GPR161: variants seen among roughly 807,000 people sequenced by gnomAD.
GPR161 encodes the protein G-protein coupled receptor RE2.
GPR161 carries 25 observed loss-of-function variants against 39.2 expected under a neutral mutation model. The observed-to-expected ratio is 0.64, with a 90% CI of 0.47 to 0.89. GPR161 has a LOEUF of 0.89. Among genes scored for constraint, GPR161 ranks in the 40% least tolerant of loss-of-function variants. The probability of loss-of-function intolerance (pLI) is 0.00; values close to 1 mark genes in which losing one functional copy is unlikely to be tolerated. For synonymous variants in GPR161, 286 were observed against 276.6 expected (o/e 1.03, Z -0.34); for missense variants, 547 against 677.8 (o/e 0.81, Z 2.14).
At chr1:168,092,601 C>T (rs1315073146) in intron 3 of GPR161, among the ~76,000 whole-genome samples, 1 of 152,162 alleles carries the variant, frequency 6.6e-6, no homozygotes, top group African/African-American at 2.4e-5. Flanking sequence ...TGTGGCTCTC[C>T]AGAGGCATGC....
chr1:168,107,262 G>T (rs1049122058), intron 1 of GPR161, among the ~76,000 whole-genome samples: 2 of 152,076 alleles, frequency 1.3e-5, no homozygotes, highest in African/African-American at 4.8e-5. Context: ...TAAAAAAGTG[G>T]CCGTAAGACT....
intron 1 of GPR161, among the ~76,000 whole-genome samples, chr1:168,124,450 A>G (rs1455893396): frequency 1.3e-5 from 2 of 152,246 alleles, no homozygotes; most frequent in Non-Finnish European, 2.9e-5. Context: ...AAGGTATACA[A>G]AACATAATTT....
At chr1:168,093,331 T>C (rs2102125130) in intron 3 of GPR161, among the ~76,000 whole-genome samples, 1 of 152,194 alleles carries the variant, frequency 6.6e-6, no homozygotes, top group East Asian at 1.9e-4. Flanking sequence ...AGCCTAAGAT[T>C]TTGTACTTCC....
At chr1:168,116,458 T>C (rs1697639596) in intron 1 of GPR161, among the ~76,000 whole-genome samples, 1 of 152,042 alleles carries the variant, frequency 6.6e-6, no homozygotes, top group Non-Finnish European at 1.5e-5. Context: ...CATCAGTCAC[T>C]AACTGGGGCG....
chr1:168,135,951 G>T (rs1699321542), intron 1 of GPR161: 1 of 878,292 alleles, frequency 1.1e-6, no homozygotes, highest in Non-Finnish European at 1.5e-6. Flanking sequence ...ATGCCAATGC[G>T]CAGCTATGTG....
In GPR161 at chr1:168,079,821, T is replaced by G. The variant is rs1009512176; in HGVS notation, c.*5710A>C. The G allele has an allele frequency of 2.0e-5, 3 of 152,196 alleles. No homozygotes were observed. Among genetic ancestry groups the G allele is most frequent in the Non-Finnish European group, 4.4e-5 (3 of 68,058 alleles). 9.4% of individuals were successfully genotyped at this position (152,196 alleles called of 1,614,324 possible). A position where few individuals can be genotyped will look rare whatever the true frequency, so the allele number is the denominator to read the frequency against. Reference sequence around the variant, plus strand: ...TCCTTCTACTGCTCTCAGTGTGGTCTTGTCTGCCAGGCCTGTGATTCTCCC... The same window carrying G: ...TCCTTCTACTGCTCTCAGTGTGGTCGTGTCTGCCAGGCCTGTGATTCTCCC... On this transcript the variant is annotated 3_prime_UTR_variant, in exon 6 of 6. Coordinates refer to ENST00000682931, the MANE Select transcript of GPR161 (RefSeq NM_001375883.1).
At chr1:168,136,450 A>C (rs1572407020) in intron 1 of GPR161, 2 of 1,310,454 alleles carry the variant, frequency 1.5e-6, no homozygotes, top group East Asian at 3.1e-5. Context: ...GGCGGGCTGC[A>C]CCCAGCAGAA....
At chr1:168,135,833 G>A (rs949170356) in intron 1 of GPR161, among the ~76,000 whole-genome samples, 7 of 152,192 alleles carry the variant, frequency 4.6e-5, no homozygotes, top group African/African-American at 1.4e-4. Flanking sequence ...ACCTCCTCAC[G>A]GCTTCACCGG....
chr1:168,117,789 C>G (rs1697761427), intron 1 of GPR161, among the ~76,000 whole-genome samples: 1 of 152,162 alleles, frequency 6.6e-6, no homozygotes, highest in Admixed American at 6.6e-5. Context: ...CAAGGTTGAG[C>G]CTCACTGTGT....
chr1:168,130,566 T>G (rs1698913232), intron 1 of GPR161, among the ~76,000 whole-genome samples: 3 of 152,202 alleles, frequency 2.0e-5, no homozygotes, highest in African/African-American at 4.8e-5. Flanking sequence ...TAGCTTTCCT[T>G]TTTGCTTAAG....
chr1:168,131,171 C>T (rs1698962073), intron 1 of GPR161, among the ~76,000 whole-genome samples: 1 of 152,160 alleles, frequency 6.6e-6, no homozygotes, highest in Non-Finnish European at 1.5e-5. Flanking sequence ...TTTCCCTGGA[C>T]TACTAACAGG....
At chr1:168,118,402 C>CTAAATA (rs202146290) in intron 1 of GPR161, among the ~76,000 whole-genome samples, 1,721 of 152,180 alleles carry the variant, frequency 0.011, 32 homozygotes, top group African/African-American at 0.04. Context: ...AATGTATACA[C>CTAAATA]AGGGACACAG....
chr1:168,136,484 C>G, intron 1 of GPR161: 1 of 1,263,144 alleles, frequency 7.9e-7, no homozygotes, highest in Middle Eastern at 2.6e-4. Flanking sequence ...TCAGAAGCCC[C>G]AGGCCGCAGG....
chr1:168,102,066 G>A (rs555067917), intron 2 of GPR161, among the ~76,000 whole-genome samples: 15 of 152,324 alleles, frequency 9.8e-5, no homozygotes, highest in Middle Eastern at 3.4e-3. Flanking sequence ...GCCTCCCAAA[G>A]TGCTGGGATT....
chr1:168,088,478 G>T (rs988877066), intron 4 of GPR161: 1 of 152,254 alleles, frequency 6.6e-6, no homozygotes, highest in Non-Finnish European at 1.5e-5. Context: ...TCGCAGAGGT[G>T]TGATTACCCG....
intron 2 of GPR161, among the ~76,000 whole-genome samples, chr1:168,100,779 A>G (rs556343601): frequency 1.8e-3 from 267 of 152,354 alleles, no homozygotes; most frequent in African/African-American, 6.1e-3. Context: ...ACTTTCATGT[A>G]CTGAAATTCT....
At chr1:168,087,317 G>A (rs983667582) in intron 5 of GPR161, among the ~76,000 whole-genome samples, 6 of 151,626 alleles carry the variant, frequency 4.0e-5, no homozygotes, top group African/African-American at 1.5e-4. Context: ...TCTGGGCTGT[G>A]TGTGTAAACA....
Position 168,115,824 on chromosome 1 carries a change from G to A in GPR161, c.-44-10930C>T, listed in dbSNP as rs1450679291. On this transcript the variant is annotated intron_variant, in intron 1 of 5. Transcript: ENST00000682931. ...GGAGTCTTGCACTGTCGCCCAGGCTGGAGTGCAGTGGCGCGATCTCGGCTC... is the reference window on the plus strand; with the variant it reads ...GGAGTCTTGCACTGTCGCCCAGGCTAGAGTGCAGTGGCGCGATCTCGGCTC... Among the ~76,000 whole-genome samples the A allele has an allele frequency of 4.6e-5, 7 of 151,418 alleles. No homozygotes were observed. In the East Asian group the frequency reaches 1.2e-3, roughly 25 times the overall value.
At position 168,098,805 on chromosome 1, in the gene GPR161, A is replaced by G. The variant is rs563086629; in HGVS notation, c.375-1573T>C. ...TGCACAGTGGCTGGGTAAGGTGATT[A>G]CTGTCTTTCGCTGCTATCTGGGCTT... is the stretch of plus-strand genomic sequence containing the variant. On this transcript the variant is annotated intron_variant, in intron 2 of 5. Coordinates refer to ENST00000682931, the MANE Select transcript of GPR161 (RefSeq NM_001375883.1). This position sits in a 1 kb window ranked among gnomAD's most constrained non-coding sequence, Gnocchi z 4.1. Among the ~76,000 whole-genome samples, 1 of 152,342 alleles carries G rather than the reference A, an allele frequency of 6.6e-6. No homozygotes were observed. Among genetic ancestry groups the G allele is most frequent in the South Asian group, 2.1e-4 (1 of 4,828 alleles).
Sources: allele counts gnomAD v4.1 joint callset (sites outside exome capture counted in the v4.1 genomes callset), GRCh38; gene constraint gnomAD v4.1.1; non-coding constraint Gnocchi (gnomAD v3.1); transcripts MANE v1.5; gene names NCBI Gene and HGNC (gene_info 2026-07-23, HGNC 2026-07-21).